Variants in ADAMTS9 observed in about 807,000 individuals in gnomAD.
ADAMTS9 encodes A disintegrin and metalloproteinase with thrombospondin motifs 9.
ADAMTS9 carries 107 observed loss-of-function variants against 257.1 expected under a neutral mutation model. The observed-to-expected ratio is 0.42, with a 90% confidence interval of 0.36 to 0.49. The LOEUF is 0.49. ADAMTS9 is among the 20% of genes least tolerant of loss of function. The probability of loss-of-function intolerance (pLI) is 0.03; values close to 1 mark genes in which losing one functional copy is unlikely to be tolerated. For missense variants in ADAMTS9, 2,353 were observed against 2,469.1 expected, an observed-to-expected ratio of 0.95 and a Z score of 1.00; for synonymous variants, 982 against 880.9, an observed-to-expected ratio of 1.11 and a Z score of -2.03.
chr3:64,683,651 C>A (rs1359896804), intron 2 of ADAMTS9, among the ~76,000 whole-genome samples: 1 of 152,126 alleles, frequency 6.6e-6, no homozygotes, highest in African/African-American at 2.4e-5. Context: ...TAAATCATAT[C>A]AATGTGATGC....
chr3:64,663,081 A>G (rs907082778), intron 3 of ADAMTS9, among the ~76,000 whole-genome samples: 1 of 152,122 alleles, frequency 6.6e-6, no homozygotes, highest in African/African-American at 2.4e-5. Flanking sequence ...TCTAGTCTCA[A>G]GCATTTTGGA....
At chr3:64,551,504 C>T (rs1187878839) in intron 30 of ADAMTS9, among the ~76,000 whole-genome samples, 1 of 152,186 alleles carries the variant, frequency 6.6e-6, no homozygotes. Context: ...CCACCACTCC[C>T]GGCCGAGAAC....
chr3:64,643,554 C>G (rs9814263), intron 11 of ADAMTS9, among the ~76,000 whole-genome samples: 113,724 of 148,774 alleles, frequency 0.76, 44,919 homozygotes, highest in East Asian at 0.94. Context: ...CCAGGCTCAA[C>G]TGATCCTCCC....
At chr3:64,657,618 A>G (rs9822944) in intron 4 of ADAMTS9, among the ~76,000 whole-genome samples, 13,072 of 152,116 alleles carry the variant, frequency 0.086, 1,725 homozygotes, top group African/African-American at 0.29. Flanking sequence ...GATTACAGGC[A>G]TGAGTGACTG....
intron 3 of ADAMTS9, among the ~76,000 whole-genome samples, chr3:64,666,043 G>A (rs555257759): frequency 6.6e-6 from 1 of 152,068 alleles, no homozygotes; most frequent in South Asian, 2.1e-4. Flanking sequence ...TAAAACGTGG[G>A]TCCAATCTTT....
chr3:64,519,549 A>G (rs908599374), intron 39 of ADAMTS9, among the ~76,000 whole-genome samples: 1 of 152,180 alleles, frequency 6.6e-6, no homozygotes, highest in Non-Finnish European at 1.5e-5. Flanking sequence ...AAAATCCTCA[A>G]CAAAATACTA....
Position 64,604,108 on chromosome 3 carries a change from T to G in ADAMTS9, c.3580-19A>C. On this transcript the variant is annotated intron_variant, in intron 24 of 39. Coordinates refer to ENST00000498707, the MANE Select transcript of ADAMTS9 (RefSeq NM_182920.2). ...CTGAGCACTGGGTGTTGGAGTAAAA[T>G]CATGCAGTTATATTACGTGGAATGG... 6.2e-7 allele frequency: 1 copy of G among 1,613,562 alleles called. No individual in the cohort carries two copies. The highest frequency in any genetic ancestry group is 8.5e-7 in the Non-Finnish European group (1 of 1,179,730).
intron 28 of ADAMTS9, among the ~76,000 whole-genome samples, chr3:64,585,772 T>C (rs1025382988): frequency 2.0e-5 from 3 of 152,186 alleles, no homozygotes; most frequent in Non-Finnish European, 4.4e-5. Flanking sequence ...GCACCCAATA[T>C]GTGCTTAATA....
At chr3:64,539,642 G>T (rs2083095537) in intron 36 of ADAMTS9, among the ~76,000 whole-genome samples, 1 of 152,280 alleles carries the variant, frequency 6.6e-6, no homozygotes, top group East Asian at 1.9e-4. Context: ...TAATTGGCTG[G>T]CTGAGAACCT....
chr3:64,568,658 G>T, intron 28 of ADAMTS9, 123 bp from the exon 29 acceptor site: 1 of 1,165,590 alleles, frequency 8.6e-7, no homozygotes. Context: ...CTCTTTTACA[G>T]CGCCAGTTTG....
In ADAMTS9 at chr3:64,528,646, G is replaced by GT. The variant is rs1268291941; in HGVS notation, c.5718+4519_5718+4520insA. On this transcript the variant is annotated intron_variant, in intron 38 of 39. Transcript: ENST00000498707. ...CCTTCCCACCAGCTATCTCAAGCCAGCTCCCTTCCTTAGTCACCTTGGCCA... is the reference window on the plus strand; with the variant it reads ...CCTTCCCACCAGCTATCTCAAGCCAGTCTCCCTTCCTTAGTCACCTTGGCCA... Among the ~76,000 whole-genome samples the GT allele has an allele frequency of 3.9e-5, 6 of 152,248 alleles. No homozygotes were observed. In the East Asian group the frequency reaches 1.2e-3, roughly 29 times the overall value.
chr3:64,649,467 C>A (rs1700877477), intron 10 of ADAMTS9, among the ~76,000 whole-genome samples, 170 bp downstream of exon 10: 1 of 152,166 alleles, frequency 6.6e-6, no homozygotes, highest in Non-Finnish European at 1.5e-5. Context: ...TAACACTGAG[C>A]AGCAGTACTG....
chr3:64,624,420 G>A (rs537960958), intron 16 of ADAMTS9, among the ~76,000 whole-genome samples: 1 of 152,236 alleles, frequency 6.6e-6, no homozygotes, highest in East Asian at 1.9e-4. Context: ...AAAACATAAA[G>A]TTGAACACCT....
chr3:64,675,237 G>C (rs1420737817), intron 3 of ADAMTS9, among the ~76,000 whole-genome samples: 2 of 152,152 alleles, frequency 1.3e-5, no homozygotes, highest in East Asian at 3.8e-4. Flanking sequence ...TTTGCGGTAA[G>C]AATTGAAATA....
intron 2 of ADAMTS9, among the ~76,000 whole-genome samples, chr3:64,683,737 C>CTA (rs1701818139): frequency 1.3e-5 from 2 of 152,084 alleles, no homozygotes; most frequent in African/African-American, 2.4e-5. Context: ...ACTATTTATT[C>CTA]AAACATATAT....
chr3:64,603,362 C>T (rs2084499946), intron 25 of ADAMTS9, among the ~76,000 whole-genome samples: 1 of 152,110 alleles, frequency 6.6e-6, no homozygotes, highest in African/African-American at 2.4e-5. Flanking sequence ...TTCTTGAACT[C>T]TGGGCTTTTT....
intron 28 of ADAMTS9, among the ~76,000 whole-genome samples, chr3:64,578,771 T>C (rs956842066): frequency 6.6e-6 from 1 of 151,996 alleles, no homozygotes; most frequent in African/African-American, 2.4e-5. Flanking sequence ...AAAACGGGAG[T>C]CATTGTGACC....
intron 37 of ADAMTS9, among the ~76,000 whole-genome samples, chr3:64,534,428 G>A (rs1000238042): frequency 1.3e-5 from 2 of 152,146 alleles, no homozygotes; most frequent in South Asian, 2.1e-4. Context: ...GTAAGTGTTC[G>A]TGTGATCTCT....
intron 3 of ADAMTS9, among the ~76,000 whole-genome samples, chr3:64,670,478 A>G (rs1701460783): frequency 6.6e-6 from 1 of 152,220 alleles, no homozygotes; most frequent in African/African-American, 2.4e-5. Context: ...CTTGCTATGT[A>G]GTTCTGGGAC....
Sources: allele counts gnomAD v4.1 joint callset (sites outside exome capture counted in the v4.1 genomes callset), GRCh38; gene constraint gnomAD v4.1.1; transcripts MANE v1.5; gene names NCBI Gene and HGNC (gene_info 2026-07-23, HGNC 2026-07-21).